The following MAP3K5 variants were observed in gnomAD, a reference collection of about 807,000 sequenced individuals.
MAP3K5 encodes the protein mitogen-activated protein kinase kinase kinase 5, also known as ASK-1.
A neutral mutation model predicts 158.7 loss-of-function variants in MAP3K5; 56 were observed. The ratio of observed to expected loss-of-function variants is 0.35; its 90% confidence interval spans 0.28 to 0.44. The LOEUF (loss-of-function observed/expected upper bound fraction) is 0.44, where lower values mean the gene tolerates loss of function less well. MAP3K5 is among the 20% of genes least tolerant of loss of function. The pLI is 1.00. For missense variants in MAP3K5, 1,294 were observed against 1,674.8 expected, an observed-to-expected ratio of 0.77 and a Z score of 3.97; for synonymous variants, 579 against 601.7, an observed-to-expected ratio of 0.96 and a Z score of 0.55.
intron 14 of MAP3K5, among the ~76,000 whole-genome samples, chr6:136,636,421 G>T (rs1164033219): frequency 6.6e-6 from 1 of 152,208 alleles, no homozygotes; most frequent in Non-Finnish European, 1.5e-5. Context: ...TGTTACAGCA[G>T]CCCAATGGAC....
At chr6:136,741,487 A>G (rs2114877227) in intron 1 of MAP3K5, among the ~76,000 whole-genome samples, 1 of 152,088 alleles carries the variant, frequency 6.6e-6, no homozygotes, top group Non-Finnish European at 1.5e-5. Context: ...AATCAAAATA[A>G]TAAAAGTGTT....
Position 136,791,780 on chromosome 6 carries a change from G to A in MAP3K5, c.378C>T (p.Thr126=). The A allele has an allele frequency of 6.2e-7, 1 of 1,613,598 alleles. No homozygotes were observed. The highest frequency in any genetic ancestry group is 1.1e-5 in the South Asian group (1 of 91,078). ...LREACETVGA[T]LETLHFGKLD... is the part of the protein sequence containing the mutation. Reference sequence around the variant, plus strand: ...GTTTCCCAAAATGCAGGGTTTCCAGGGTGGCGCCCACTGTCTCGCACGCCT... The same window carrying A: ...GTTTCCCAAAATGCAGGGTTTCCAGAGTGGCGCCCACTGTCTCGCACGCCT... The change falls in exon 1 of 30, where the codon ACC becomes ACT. Residue 126 remains threonine (T), a synonymous_variant. Coordinates refer to ENST00000359015, the MANE Select transcript of MAP3K5 (RefSeq NM_005923.4).
chr6:136,659,905 A>G (rs188083551), intron 8 of MAP3K5, among the ~76,000 whole-genome samples: 1 of 152,352 alleles, frequency 6.6e-6, no homozygotes, highest in East Asian at 1.9e-4. Flanking sequence ...TGGTAAAAAA[A>G]CAATAGTAAG....
At chr6:136,611,965 C>T (rs563436192) in intron 17 of MAP3K5, among the ~76,000 whole-genome samples, 4 of 152,262 alleles carry the variant, frequency 2.6e-5, no homozygotes, top group South Asian at 4.1e-4. Flanking sequence ...GATGTCTTTA[C>T]AGGCTTCTCC....
chr6:136,732,536 T>C (rs1782273259), intron 1 of MAP3K5, among the ~76,000 whole-genome samples: 1 of 152,198 alleles, frequency 6.6e-6, no homozygotes, highest in Non-Finnish European at 1.5e-5. Flanking sequence ...CCTCCTTCAC[T>C]TCAGGTAGTG....
intron 1 of MAP3K5, among the ~76,000 whole-genome samples, chr6:136,756,611 A>G (rs1783502726): frequency 6.6e-6 from 1 of 152,128 alleles, no homozygotes; most frequent in Non-Finnish European, 1.5e-5. Context: ...TGTCCTAAAT[A>G]ATGAAAGAAC....
intron 7 of MAP3K5, among the ~76,000 whole-genome samples, chr6:136,687,294 A>C (rs1780190073): frequency 6.6e-6 from 1 of 152,192 alleles, no homozygotes; most frequent in African/African-American, 2.4e-5. Flanking sequence ...TAAAGACTTA[A>C]ATGTAAGACC....
At chr6:136,754,831 G>C (rs1783400038) in intron 1 of MAP3K5, among the ~76,000 whole-genome samples, 1 of 152,138 alleles carries the variant, frequency 6.6e-6, no homozygotes, top group African/African-American at 2.4e-5. Flanking sequence ...CAGTGCAGAT[G>C]GAACAGAGGA....
rs1003012320 is a variant in MAP3K5 at position 136,636,227 on chromosome 6, A to T, written c.2016+1098T>A. ...GGTAACATTAGTGGCCTTGTAAGAG[A>T]GACCACAGAGAGCTAGCCAGCTTCT... On this transcript the variant is annotated intron_variant, in intron 14 of 29. Coordinates refer to ENST00000359015, the MANE Select transcript of MAP3K5 (RefSeq NM_005923.4). 1.3e-5 allele frequency among the ~76,000 whole-genome samples: 2 copies of T among 151,662 alleles called. 1 individual carries two copies. Among genetic ancestry groups the T allele is most frequent in the South Asian group, 4.2e-4 (2 of 4,814 alleles).
intron 28 of MAP3K5, among the ~76,000 whole-genome samples, chr6:136,559,171 T>C (rs554620956): frequency 6.6e-6 from 1 of 152,040 alleles, no homozygotes; most frequent in South Asian, 2.1e-4. Context: ...GCCAAAGTGG[T>C]GAAACCCCAT....
chr6:136,677,403 C>G (rs1436315791), intron 7 of MAP3K5, among the ~76,000 whole-genome samples: 1 of 152,182 alleles, frequency 6.6e-6, no homozygotes, highest in Non-Finnish European at 1.5e-5. Context: ...TCCCAAAGTG[C>G]AGGGATTACA....
intron 9 of MAP3K5, among the ~76,000 whole-genome samples, chr6:136,658,401 G>A (rs1778859943): frequency 3.0e-5 from 4 of 131,766 alleles, no homozygotes; most frequent in Admixed American, 9.0e-5. Flanking sequence ...TGCAACCTCC[G>A]CCTCCTGGGT....
rs376149824 is a variant in MAP3K5 at position 136,654,425 on chromosome 6, CTTT to C, written c.1680+1879_1680+1881del. ...CTCTTCATATAAATTTTTTATTCTT[CTTT>C]TTATTTTTATTTTGTTTTATTTATT... On this transcript the variant is annotated intron_variant, in intron 10 of 29. Transcript: ENST00000359015. Among the ~76,000 whole-genome samples, 90 of 152,182 alleles carry C rather than the reference CTTT, an allele frequency of 5.9e-4. 1 individual carries two copies. The East Asian group carries it at 0.016, about 26-fold the overall frequency.
At chr6:136,739,473 C>A (rs1240320059) in intron 1 of MAP3K5, among the ~76,000 whole-genome samples, 1 of 152,206 alleles carries the variant, frequency 6.6e-6, no homozygotes, top group Non-Finnish European at 1.5e-5. Context: ...TCACTCCCAC[C>A]CCAGGGTACT....
chr6:136,589,328 G>A (rs985219781), intron 23 of MAP3K5, among the ~76,000 whole-genome samples: 5 of 152,158 alleles, frequency 3.3e-5, no homozygotes, highest in Admixed American at 6.5e-5. Context: ...TAGAGGCCAC[G>A]GCAAGGGAGG....
intron 1 of MAP3K5, among the ~76,000 whole-genome samples, chr6:136,763,485 CAG>C (rs1244187323): frequency 1.3e-5 from 2 of 152,162 alleles, no homozygotes; most frequent in African/African-American, 2.4e-5. Context: ...AGTATTCTGA[CAG>C]TGTGTTTTCT....
intron 1 of MAP3K5, among the ~76,000 whole-genome samples, chr6:136,783,058 C>T (rs1562703350): frequency 6.6e-6 from 1 of 152,172 alleles, no homozygotes; most frequent in Non-Finnish European, 1.5e-5. Context: ...AATCCCAGCA[C>T]TTTGGGAGAC....
intron 21 of MAP3K5, among the ~76,000 whole-genome samples, chr6:136,597,097 A>G (rs1438098083): frequency 6.6e-6 from 1 of 152,036 alleles, no homozygotes; most frequent in Non-Finnish European, 1.5e-5. Flanking sequence ...GGCTGAATGA[A>G]CCTCTCTGAG....
chr6:136,633,871 G>A (rs1777493376), intron 14 of MAP3K5, among the ~76,000 whole-genome samples: 1 of 152,134 alleles, frequency 6.6e-6, no homozygotes, highest in Admixed American at 6.6e-5. Context: ...TTTGTTCTGG[G>A]CCAAGGTAGC....
Sources: allele counts gnomAD v4.1 joint callset (sites outside exome capture counted in the v4.1 genomes callset), GRCh38; gene constraint gnomAD v4.1.1; transcripts MANE v1.5; gene names NCBI Gene and HGNC (gene_info 2026-07-23, HGNC 2026-07-21).